The following CCNI variants were observed in gnomAD, a reference collection of about 807,000 sequenced individuals.
CCNI encodes cyclin I.
Under a neutral mutation model 34.1 loss-of-function variants are expected in CCNI, and 14 were observed. That is an observed-to-expected ratio of 0.41 (90% CI 0.27 to 0.64). The LOEUF (loss-of-function observed/expected upper bound fraction) is 0.64, where lower values mean the gene tolerates loss of function less well. CCNI is among the 30% of genes least tolerant of loss of function. CCNI has a pLI of 0.31. For synonymous variants in CCNI, 154 were observed against 158.4 expected (o/e 0.97, Z 0.21); for missense variants, 385 against 440.5 (o/e 0.87, Z 1.13).
chr4:77,063,344 T>TAAA (rs745761323), intron 2 of CCNI, among the ~76,000 whole-genome samples: 8 of 77,246 alleles, frequency 1.0e-4, no homozygotes, highest in Admixed American at 1.5e-4. Context: ...GAAAGGGAGG[T>TAAA]AAAAAAAAAA....
At chr4:77,060,556 C>T (rs1490901731) in intron 2 of CCNI, among the ~76,000 whole-genome samples, 1 of 151,916 alleles carries the variant, frequency 6.6e-6, no homozygotes, top group Non-Finnish European at 1.5e-5. Flanking sequence ...CTCCCAGCCC[C>T]AAGTGATCCT....
chr4:77,072,236 A>G (rs1729518746), intron 1 of CCNI, among the ~76,000 whole-genome samples: 1 of 152,020 alleles, frequency 6.6e-6, no homozygotes, highest in Non-Finnish European at 1.5e-5. Context: ...CATTATCAAT[A>G]GTAAAAAAAA....
chr4:77,050,758 T>C (rs1727769570), intron 6 of CCNI, among the ~76,000 whole-genome samples: 1 of 151,552 alleles, frequency 6.6e-6, no homozygotes, highest in African/African-American at 2.4e-5. Context: ...CCCAGGGATG[T>C]AGAACAAGCT....
Position 77,066,381 on chromosome 4 carries a change from C to A in CCNI, c.-19G>T. 6.2e-7 allele frequency: 1 copy of A among 1,613,550 alleles called. No individual in the cohort carries two copies. Among genetic ancestry groups the A allele is most frequent in the Non-Finnish European group, 8.5e-7 (1 of 1,179,760 alleles). Reference sequence around the variant, plus strand: ...ACTTCATGATATCCTTTGGATCTGCCTGCTACCCAGCTTGCTGTAGCTACC... The same window carrying A: ...ACTTCATGATATCCTTTGGATCTGCATGCTACCCAGCTTGCTGTAGCTACC... On this transcript the variant is annotated 5_prime_UTR_variant, in exon 2 of 7. In the 5' UTR this introduces an upstream ATG that the reference lacks. Coordinates refer to ENST00000237654, the MANE Select transcript of CCNI (RefSeq NM_006835.3).
rs1265764253 is a variant in CCNI, at chr4:77,075,728, C to T, written c.-300G>A. ...CAGCGAATTAGTTCCATGATGACCC[C>T]CGGCCTGAGGCCGCCGCCGCTCGAG... On this transcript the variant is annotated 5_prime_UTR_variant, in exon 1 of 7. Transcript: ENST00000237654. The T allele has an allele frequency of 4.3e-6, 1 of 231,632 alleles. No individual in the cohort carries two copies. Among genetic ancestry groups the T allele is most frequent in the Admixed American group, 6.5e-5 (1 of 15,370 alleles). 14.3% of individuals were successfully genotyped at this position (231,632 alleles called of 1,614,324 possible).
intron 1 of CCNI, among the ~76,000 whole-genome samples, chr4:77,069,143 G>A (rs1020777272): frequency 4.5e-4 from 69 of 152,276 alleles, no homozygotes; most frequent in African/African-American, 1.5e-3. Flanking sequence ...CTGGCCAGGC[G>A]CAGCGGCTCC....
intron 3 of CCNI, 102 bp from the exon 4 acceptor site, chr4:77,056,425 A>G: frequency 1.4e-6 from 1 of 739,516 alleles, no homozygotes; most frequent in Admixed American, 2.2e-5. Flanking sequence ...TGAGACAGGT[A>G]TACACAAAAT....
intron 6 of CCNI, among the ~76,000 whole-genome samples, chr4:77,049,640 T>C (rs1481829090): frequency 6.7e-6 from 1 of 149,750 alleles, no homozygotes; most frequent in African/African-American, 2.5e-5. Context: ...ATCAAACCAC[T>C]GCATTCCAGC....
At chr4:77,049,663 C>CA (rs951327606) in intron 6 of CCNI, among the ~76,000 whole-genome samples, 2 of 145,110 alleles carry the variant, frequency 1.4e-5, no homozygotes, top group Non-Finnish European at 3.0e-5. Context: ...GGCCAACAGA[C>CA]AGAGCAAGAC....
intron 1 of CCNI, among the ~76,000 whole-genome samples, chr4:77,069,696 G>T (rs1316612272): frequency 2.0e-5 from 3 of 148,718 alleles, no homozygotes; most frequent in African/African-American, 7.5e-5. Context: ...TACTTCGACG[G>T]AACAGAGACC....
chr4:77,052,981 A>C (rs1365130676), intron 6 of CCNI, among the ~76,000 whole-genome samples: 1 of 152,200 alleles, frequency 6.6e-6, no homozygotes. Flanking sequence ...CATGGGGCAT[A>C]TCTCTTAAAA....
At chr4:77,071,944 C>T (rs1371854841) in intron 1 of CCNI, among the ~76,000 whole-genome samples, 1 of 152,156 alleles carries the variant, frequency 6.6e-6, no homozygotes, top group East Asian at 1.9e-4. Flanking sequence ...GATGGCTTCA[C>T]TGGTTAATTC....
intron 6 of CCNI, among the ~76,000 whole-genome samples, chr4:77,052,546 T>C (rs768079786): frequency 1.3e-5 from 2 of 152,102 alleles, no homozygotes; most frequent in Non-Finnish European, 2.9e-5. Context: ...CTGGGAACAC[T>C]CACCATACTT....
At chr4:77,073,228 T>C (rs1729620924) in intron 1 of CCNI, among the ~76,000 whole-genome samples, 1 of 152,176 alleles carries the variant, frequency 6.6e-6, no homozygotes, top group Non-Finnish European at 1.5e-5. Context: ...TCTCCTCCCA[T>C]CCTCTCAATT....
At chr4:77,053,498 A>G (rs4252914) in intron 6 of CCNI, among the ~76,000 whole-genome samples, 8,774 of 152,228 alleles carry the variant, frequency 0.058, 860 homozygotes, top group African/African-American at 0.2. Flanking sequence ...AAAACTTACA[A>G]AAGAGTATCA....
chr4:77,063,343 G>GAAA (rs1728750245), intron 2 of CCNI, among the ~76,000 whole-genome samples: 2 of 74,066 alleles, frequency 2.7e-5, no homozygotes, highest in Non-Finnish European at 5.1e-5. Context: ...GGAAAGGGAG[G>GAAA]TAAAAAAAAA....
At chr4:77,069,104 T>G (rs1729266980) in intron 1 of CCNI, among the ~76,000 whole-genome samples, 1 of 152,222 alleles carries the variant, frequency 6.6e-6, no homozygotes, top group African/African-American at 2.4e-5. Flanking sequence ...AGCAGCTTTC[T>G]GTTAACTCCC....
intron 2 of CCNI, among the ~76,000 whole-genome samples, chr4:77,059,360 G>A (rs1728450763): frequency 6.7e-6 from 1 of 149,920 alleles, no homozygotes; most frequent in Non-Finnish European, 1.5e-5. Context: ...AATAAAACCG[G>A]TTGTTTATTT....
chr4:77,054,346 A>G (rs1336669033), intron 6 of CCNI, among the ~76,000 whole-genome samples: 1 of 152,234 alleles, frequency 6.6e-6, no homozygotes, highest in Non-Finnish European at 1.5e-5. Flanking sequence ...ACAAATCAGA[A>G]TAACTACTGT....
Sources: gnomAD v4.1 joint callset for allele counts (sites outside exome capture counted in the v4.1 genomes callset) on GRCh38, gnomAD v4.1.1 for gene constraint, MANE v1.5 for transcripts, NCBI Gene and HGNC (gene_info 2026-07-23, HGNC 2026-07-21) for gene names.